The following CFAP70 variants were observed in gnomAD, a reference collection of about 807,000 sequenced individuals.
CFAP70 encodes cilia and flagella associated protein 70.
CFAP70 carries 81 observed loss-of-function variants against 137.6 expected under a neutral mutation model. The observed-to-expected ratio is 0.59, with a 90% confidence interval of 0.49 to 0.71. CFAP70 has a LOEUF of 0.71. CFAP70 is among the 30% of genes least tolerant of loss of function. The pLI is 0.00. For missense variants in CFAP70, 976 were observed against 1,226.7 expected, an observed-to-expected ratio of 0.80 and a Z score of 3.05; for synonymous variants, 382 against 423.6, an observed-to-expected ratio of 0.90 and a Z score of 1.20.
rs769215497 is a variant in CFAP70 at position 73,312,646 on chromosome 10, GA to G, written c.913-4del. The G allele has an allele frequency of 2.6e-6, 4 of 1,521,440 alleles. No homozygotes were observed. The highest frequency in any genetic ancestry group is 3.5e-6 in the Non-Finnish European group (4 of 1,139,034). 94.2% of individuals were successfully genotyped at this position (1,521,440 alleles called of 1,614,324 possible). A position where few individuals can be genotyped will look rare whatever the true frequency, so the allele number is the denominator to read the frequency against. On this transcript the variant is annotated splice_region_variant and splice_polypyrimidine_tract_variant and intron_variant, in intron 9 of 26. Coordinates refer to ENST00000310715, the Ensembl canonical transcript of CFAP70. ...AACAAGCTCAATAAACATTTGGTCT[GA>G]AAAACAAAAAAACAAACAAAAAAAA...
chr10:73,270,294 GTTGCTGC>G (rs998530636), intron 24 of CFAP70, among the ~76,000 whole-genome samples: 6 of 152,060 alleles, frequency 3.9e-5, no homozygotes, highest in Non-Finnish European at 8.8e-5. Flanking sequence ...CGTGGAAATT[GTTGCTGC>G]TTCCTAAAAC....
intron 8 of CFAP70, among the ~76,000 whole-genome samples, chr10:73,327,097 T>C (rs1233204955): frequency 6.7e-6 from 1 of 149,904 alleles, no homozygotes; most frequent in Non-Finnish European, 1.5e-5. Flanking sequence ...AATAAAATAC[T>C]GGCAAACCGA....
At chr10:73,271,386 C>T (rs961392847) in intron 24 of CFAP70, among the ~76,000 whole-genome samples, 18 of 152,116 alleles carry the variant, frequency 1.2e-4, no homozygotes, top group African/African-American at 4.3e-4. Flanking sequence ...GTGGCACATG[C>T]CTGTAATCCC....
At chr10:73,313,149 G>C (rs1391633243) in intron 9 of CFAP70, among the ~76,000 whole-genome samples, 2 of 151,992 alleles carry the variant, frequency 1.3e-5, no homozygotes, top group Non-Finnish European at 2.9e-5. Flanking sequence ...GAGGCATGTG[G>C]ATCACGAGGT....
intron 1 of CFAP70, among the ~76,000 whole-genome samples, chr10:73,357,223 G>T (rs2054748211): frequency 6.6e-6 from 1 of 152,140 alleles, no homozygotes; most frequent in Non-Finnish European, 1.5e-5. Context: ...CCTTCTAAGA[G>T]ATTCTTAAAT....
intron 7 of CFAP70, among the ~76,000 whole-genome samples, chr10:73,334,584 C>CTT (rs58264194): frequency 1.1e-4 from 16 of 142,334 alleles, no homozygotes; most frequent in South Asian, 2.2e-4. Flanking sequence ...ATTCTGGACT[C>CTT]TTTTTTTTTT....
At chr10:73,357,002 A>C (rs1271934375) in intron 1 of CFAP70, among the ~76,000 whole-genome samples, 1 of 152,202 alleles carries the variant, frequency 6.6e-6, no homozygotes, top group Non-Finnish European at 1.5e-5. Context: ...AGTGAGGACG[A>C]GAGACGTGTA....
chr10:73,289,542 C>G (rs2048007512), intron 19 of CFAP70, among the ~76,000 whole-genome samples: 2 of 151,826 alleles, frequency 1.3e-5, no homozygotes, highest in African/African-American at 4.8e-5. Context: ...CCTCGGCCTC[C>G]CAGAGTGCTG....
chr10:73,336,580 C>CTTTTTT (rs58611619), intron 6 of CFAP70, among the ~76,000 whole-genome samples: 10 of 124,250 alleles, frequency 8.0e-5, no homozygotes, highest in Admixed American at 6.6e-4. Context: ...TACTATTTTC[C>CTTTTTT]TTTTTTTTTT....
intron 20 of CFAP70, 107 bp from the exon 22 acceptor site, chr10:73,277,468 A>T (rs2046856115): frequency 8.0e-7 from 1 of 1,248,140 alleles, no homozygotes; most frequent in East Asian, 2.7e-5. Context: ...TAATCCCAGC[A>T]CTTTGGGAGG....
At chr10:73,291,342 T>A (rs750379133) in exon 19 of CFAP70, 12 of 1,614,140 alleles carry the variant, frequency 7.4e-6, no homozygotes, top group Non-Finnish European at 8.5e-7. Flanking sequence ...GCTCTTTTGC[T>A]TTGTTACTTG....
At chr10:73,255,215 G>C (rs1305954656) in intron 26 of CFAP70, among the ~76,000 whole-genome samples, 1 of 152,130 alleles carries the variant, frequency 6.6e-6, no homozygotes, top group Non-Finnish European at 1.5e-5. Context: ...TGGCTAACAC[G>C]GTGATACCCT....
intron 12 of CFAP70, among the ~76,000 whole-genome samples, chr10:73,304,777 G>C (rs898756556): frequency 6.6e-6 from 1 of 151,666 alleles, no homozygotes; most frequent in Non-Finnish European, 1.5e-5. Context: ...CTCACATCAA[G>C]AGGTAAAGTC....
At chr10:73,345,074 T>G in exon 5 of CFAP70, 1 of 1,614,110 alleles carries the variant, frequency 6.2e-7, no homozygotes, top group South Asian at 1.1e-5. Flanking sequence ...CCTCTCCAAG[T>G]GATGGAACTT....
chr10:73,328,116 G>C (rs2051668793), intron 8 of CFAP70, among the ~76,000 whole-genome samples: 1 of 152,132 alleles, frequency 6.6e-6, no homozygotes, highest in Non-Finnish European at 1.5e-5. Flanking sequence ...AACCAAAACA[G>C]CATGGTACTG....
intron 1 of CFAP70, among the ~76,000 whole-genome samples, chr10:73,355,059 C>A (rs938117832): frequency 1.3e-5 from 2 of 152,166 alleles, no homozygotes; most frequent in Non-Finnish European, 2.9e-5. Context: ...GGTAACTAAC[C>A]CATTAAGCAC....
chr10:73,317,894 T>C (rs58556766), intron 9 of CFAP70, among the ~76,000 whole-genome samples: 16,055 of 151,886 alleles, frequency 0.11, 1,214 homozygotes, highest in East Asian at 0.3. Context: ...CATAAATGGC[T>C]TGGTGCTATC....
At chr10:73,329,671 A>G (rs1754189871) in intron 8 of CFAP70, among the ~76,000 whole-genome samples, 1 of 152,214 alleles carries the variant, frequency 6.6e-6, no homozygotes. Context: ...AACAATAACA[A>G]AAAACTTAAA....
chr10:73,359,009 C>A (rs1244369044), upstream of CFAP70: 3 of 152,142 alleles, frequency 2.0e-5, no homozygotes, highest in Non-Finnish European at 4.4e-5. Context: ...TTCAATATTT[C>A]TCTATAATAG....
Sources: allele counts gnomAD v4.1 joint callset (sites outside exome capture counted in the v4.1 genomes callset), GRCh38; gene constraint gnomAD v4.1.1; transcripts MANE v1.5; gene names NCBI Gene and HGNC (gene_info 2026-07-23, HGNC 2026-07-21).